FBLN7: variants seen among roughly 807,000 people sequenced by gnomAD.
FBLN7 encodes the protein fibulin-7.
A neutral mutation model predicts 44.0 loss-of-function variants in FBLN7; 31 were observed. The ratio of observed to expected loss-of-function variants is 0.70; its 90% CI spans 0.53 to 0.95. The LOEUF (loss-of-function observed/expected upper bound fraction) is 0.95, where lower values mean the gene tolerates loss of function less well. Among genes scored for constraint, FBLN7 ranks in the 40% least tolerant of loss-of-function variants. The probability of loss-of-function intolerance (pLI) is 0.00; values close to 1 mark genes in which losing one functional copy is unlikely to be tolerated. For synonymous variants in FBLN7, 262 were observed against 253.4 expected (o/e 1.03, Z -0.32); for missense variants, 573 against 618.5 (o/e 0.93, Z 0.78).
At chr2:112,182,315 A>G (rs372422953) in intron 5 of FBLN7, among the ~76,000 whole-genome samples, 32 of 152,256 alleles carry the variant, frequency 2.1e-4, no homozygotes, top group African/African-American at 6.7e-4. Flanking sequence ...TCTCCTGATT[A>G]CCAGAGTTCT....
At chr2:112,159,890 C>T in intron 2 of FBLN7, 55 bp downstream of exon 2, 1 of 1,385,326 alleles carries the variant, frequency 7.2e-7, no homozygotes, top group Non-Finnish European at 9.4e-7. Flanking sequence ...GAGCACTCTC[C>T]CCGAGACGCT....
chr2:112,240,880 CT>C, the FBLN7 span, among the ~76,000 whole-genome samples: 30 of 151,444 alleles, frequency 2.0e-4, no homozygotes, highest in Non-Finnish European at 8.8e-5. Flanking sequence ...GTCTAAATAA[CT>C]TTTTTTATTC....
At chr2:112,240,477 A>G in the FBLN7 span, 3 of 152,318 alleles carry the variant, frequency 2.0e-5, no homozygotes, top group South Asian at 6.2e-4. Context: ...TAGAGGTGAG[A>G]TTTTCTTCAG....
At chr2:112,169,597 C>T (rs1290022858) in intron 3 of FBLN7, among the ~76,000 whole-genome samples, 1 of 151,796 alleles carries the variant, frequency 6.6e-6, no homozygotes. Flanking sequence ...TATTTTTAAC[C>T]TTCATTCTTT....
intron 3 of FBLN7, among the ~76,000 whole-genome samples, chr2:112,171,833 G>A (rs1682478564): frequency 1.3e-5 from 2 of 152,130 alleles, no homozygotes; most frequent in South Asian, 4.1e-4. Flanking sequence ...TGCAAGCTCT[G>A]CCTCCTGGGT....
At chr2:112,209,139 C>T in the FBLN7 span, among the ~76,000 whole-genome samples, 5 of 152,026 alleles carry the variant, frequency 3.3e-5, no homozygotes, top group Admixed American at 6.5e-5. Flanking sequence ...CTCCATTTTC[C>T]GGATAAAGAA....
the FBLN7 span, among the ~76,000 whole-genome samples, chr2:112,200,665 G>C: frequency 6.6e-6 from 1 of 152,060 alleles, no homozygotes; most frequent in South Asian, 2.1e-4. Context: ...CTCACAAGTG[G>C]CTGGGATTAC....
chr2:112,160,806 ACACACACG>A (rs1264331153), intron 2 of FBLN7, among the ~76,000 whole-genome samples: 5 of 146,864 alleles, frequency 3.4e-5, no homozygotes, highest in Admixed American at 2.0e-4. Flanking sequence ...ACACGCACGC[ACACACACG>A]CACACACAAG....
chr2:112,213,775 C>CAAAAAA, the FBLN7 span: 2 of 24,076 alleles, frequency 8.3e-5, no homozygotes, highest in African/African-American at 4.0e-4. Flanking sequence ...GACTCCGTCT[C>CAAAAAA]AAAAAAAAAA....
chr2:112,242,562 CA>C, the FBLN7 span, among the ~76,000 whole-genome samples: 1 of 152,096 alleles, frequency 6.6e-6, no homozygotes, highest in Admixed American at 6.5e-5. Flanking sequence ...CATCAAAACA[CA>C]AAAAGCAAAC....
chr2:112,160,692 GCACA>G (rs1190068199), intron 2 of FBLN7, among the ~76,000 whole-genome samples: 25 of 117,364 alleles, frequency 2.1e-4, no homozygotes, highest in South Asian at 2.6e-4. Flanking sequence ...GCACGCACAC[GCACA>G]CACGCACGCA....
At chr2:112,178,722 C>A (rs1682848115) in intron 4 of FBLN7, among the ~76,000 whole-genome samples, 1 of 152,212 alleles carries the variant, frequency 6.6e-6, no homozygotes. Flanking sequence ...AAATGTGATT[C>A]ATCACATAAA....
chr2:112,201,972 T>A, the FBLN7 span, among the ~76,000 whole-genome samples: 1 of 152,344 alleles, frequency 6.6e-6, no homozygotes, highest in Admixed American at 6.5e-5. Context: ...GATTAAAGTC[T>A]AGTTTATATT....
chr2:112,167,287 GC>G (rs1682209898), intron 3 of FBLN7, among the ~76,000 whole-genome samples: 1 of 152,200 alleles, frequency 6.6e-6, no homozygotes, highest in South Asian at 2.1e-4. Context: ...AACACTGGAG[GC>G]CCAGGAACAT....
the FBLN7 span, among the ~76,000 whole-genome samples, chr2:112,207,297 T>A: frequency 1.3e-5 from 2 of 152,084 alleles, no homozygotes; most frequent in South Asian, 4.1e-4. Flanking sequence ...CAAAACCCTG[T>A]CTCTACTAAA....
chr2:112,210,655 C>CAAA, the FBLN7 span, among the ~76,000 whole-genome samples: 4 of 69,732 alleles, frequency 5.7e-5, no homozygotes, highest in Non-Finnish European at 7.6e-5. Context: ...GACTCTGTCT[C>CAAA]AAAAAAAAAA....
chr2:112,203,374 G>A, the FBLN7 span, among the ~76,000 whole-genome samples: 1 of 152,148 alleles, frequency 6.6e-6, no homozygotes, highest in Non-Finnish European at 1.5e-5. Context: ...TGTCTATTAA[G>A]CTAACTAAGC....
Position 112,187,358 on chromosome 2 carries a change from G to C in FBLN7, c.1172G>C (p.Arg391Pro). The change falls in exon 8 of 8, where the codon CGG (arginine) becomes CCG (proline). Residue 391 changes from arginine (R) to proline (P), a missense_variant. By Grantham distance (103) the Arg-to-Pro change is moderately radical. Coordinates refer to ENST00000331203, the MANE Select transcript of FBLN7 (RefSeq NM_153214.3). This position sits in a 1 kb window ranked among gnomAD's most constrained non-coding sequence, Gnocchi z 5.1. ...RGHFVMQRSDRQTGDLILVQN... is the reference protein window; with the variant it reads ...RGHFVMQRSDPQTGDLILVQN... ...CACTTTGTGATGCAGCGTTCAGACCGGCAGACTGGGGATCTGATCCTTGTG... is the reference window on the plus strand; with the variant it reads ...CACTTTGTGATGCAGCGTTCAGACCCGCAGACTGGGGATCTGATCCTTGTG... The C allele has an allele frequency of 6.2e-7, 1 of 1,614,150 alleles. No homozygotes were observed. Among genetic ancestry groups the C allele is most frequent in the Non-Finnish European group, 8.5e-7 (1 of 1,180,030 alleles).
At chr2:112,231,202 C>T in the FBLN7 span, among the ~76,000 whole-genome samples, 1 of 152,070 alleles carries the variant, frequency 6.6e-6, no homozygotes, top group Non-Finnish European at 1.5e-5. Flanking sequence ...TATTTTACAA[C>T]CTAAAAATAT....
Sources: allele counts gnomAD v4.1 joint callset (sites outside exome capture counted in the v4.1 genomes callset), GRCh38; gene constraint gnomAD v4.1.1; non-coding constraint Gnocchi (gnomAD v3.1); transcripts MANE v1.5; gene names NCBI Gene and HGNC (gene_info 2026-07-23, HGNC 2026-07-21).